GDPD5: variants seen among roughly 807,000 people sequenced by gnomAD.
GDPD5 encodes glycerophosphodiester phosphodiesterase domain containing 5, also known as glycerophosphodiester phosphodiesterase 2.
Under a neutral mutation model 75.1 loss-of-function variants are expected in GDPD5, and 48 were observed. That is an observed-to-expected ratio of 0.64 (90% CI 0.51 to 0.81). The LOEUF (loss-of-function observed/expected upper bound fraction) is 0.81, where lower values mean the gene tolerates loss of function less well. Ranked by LOEUF, GDPD5 falls within the 40% of genes least tolerant of loss-of-function variation. GDPD5 has a pLI of 0.00. For synonymous variants in GDPD5, 336 were observed against 339.0 expected, an observed-to-expected ratio of 0.99 and a Z score of 0.10; for missense variants, 706 against 822.6, an observed-to-expected ratio of 0.86 and a Z score of 1.73.
At chr11:75,502,157 C>T (rs181603851) in intron 1 of GDPD5, among the ~76,000 whole-genome samples, 3 of 152,382 alleles carry the variant, frequency 2.0e-5, no homozygotes, top group Admixed American at 6.5e-5. Flanking sequence ...CTGCCCACAA[C>T]TCACTTTCCA....
At chr11:75,435,965 A>G (rs1948614961) in intron 16 of GDPD5, among the ~76,000 whole-genome samples, 1 of 152,152 alleles carries the variant, frequency 6.6e-6, no homozygotes, top group Non-Finnish European at 1.5e-5. Context: ...CTTAGGAGTG[A>G]CTGCCCCAAC....
At chr11:75,478,200 A>G (rs574500579) in intron 2 of GDPD5, among the ~76,000 whole-genome samples, 23 of 152,280 alleles carry the variant, frequency 1.5e-4, no homozygotes, top group African/African-American at 5.3e-4. Flanking sequence ...CCCAGGCTGG[A>G]GTGCTGTGGC....
At chr11:75,485,032 C>A (rs1193430408) in intron 2 of GDPD5, among the ~76,000 whole-genome samples, 4 of 152,180 alleles carry the variant, frequency 2.6e-5, no homozygotes, top group Admixed American at 2.6e-4. Flanking sequence ...AGCTACCCAG[C>A]CACAAAAAGC....
chr11:75,467,275 G>A (rs142001409), intron 3 of GDPD5, among the ~76,000 whole-genome samples: 139 of 152,318 alleles, frequency 9.1e-4, no homozygotes, highest in African/African-American at 3.3e-3. Flanking sequence ...CCCTCGGAGG[G>A]AGGCTGTTAA....
At chr11:75,476,965 C>T (rs990535064) in intron 3 of GDPD5, among the ~76,000 whole-genome samples, 1 of 151,002 alleles carries the variant, frequency 6.6e-6, no homozygotes, top group Non-Finnish European at 1.5e-5. Flanking sequence ...CTTCTTTGTT[C>T]AGACAAGCAG....
intron 9 of GDPD5, among the ~76,000 whole-genome samples, chr11:75,447,132 C>T (rs538375343): frequency 2.0e-5 from 3 of 152,266 alleles, no homozygotes; most frequent in African/African-American, 7.2e-5. Flanking sequence ...ATCTGCCTGC[C>T]TTGGCCTCCC....
chr11:75,519,518 G>C (rs1365590320), intron 1 of GDPD5, among the ~76,000 whole-genome samples: 1 of 152,174 alleles, frequency 6.6e-6, no homozygotes, highest in African/African-American at 2.4e-5. Context: ...TGAGGTGCTG[G>C]AGATACAGAT....
intron 8 of GDPD5, 85 bp downstream of exon 8, chr11:75,449,432 C>A: frequency 7.4e-7 from 1 of 1,358,204 alleles, no homozygotes; most frequent in Non-Finnish European, 1.0e-6. Context: ...AGGCCACCCC[C>A]AGGGAAAGCC....
chr11:75,441,940 G>A, intron 12 of GDPD5, 137 bp from the exon 13 acceptor site: 1 of 878,464 alleles, frequency 1.1e-6, no homozygotes. Context: ...CATTAGCAGG[G>A]CAGGACTCAG....
chr11:75,513,027 G>A (rs1219285025), intron 1 of GDPD5, among the ~76,000 whole-genome samples: 1 of 152,192 alleles, frequency 6.6e-6, no homozygotes, highest in Admixed American at 6.5e-5. Context: ...AAGTGCTGTT[G>A]GGCACTGGGG....
At chr11:75,520,952 G>A (rs984722707) in intron 1 of GDPD5, among the ~76,000 whole-genome samples, 3 of 152,222 alleles carry the variant, frequency 2.0e-5, no homozygotes, top group South Asian at 2.1e-4. Context: ...TCCTTTGGGC[G>A]AGGCAGCTAC....
intron 1 of GDPD5, among the ~76,000 whole-genome samples, chr11:75,504,824 A>G (rs891429910): frequency 1.3e-5 from 2 of 152,186 alleles, no homozygotes; most frequent in Non-Finnish European, 2.9e-5. Flanking sequence ...AAATAATACA[A>G]TTTTTAAAAA....
intron 1 of GDPD5, among the ~76,000 whole-genome samples, chr11:75,517,890 T>C (rs926295835): frequency 2.0e-5 from 3 of 151,690 alleles, no homozygotes; most frequent in African/African-American, 4.9e-5. Flanking sequence ...GGTGTCCGGG[T>C]TGGAAAAACA....
At chr11:75,462,049 C>A (rs575213865) in intron 4 of GDPD5, among the ~76,000 whole-genome samples, 1 of 152,316 alleles carries the variant, frequency 6.6e-6, no homozygotes, top group East Asian at 1.9e-4. Flanking sequence ...TTGAGCTGTC[C>A]CCAAACTCAT....
chr11:75,481,776 C>T (rs1026912354), intron 2 of GDPD5, among the ~76,000 whole-genome samples: 2 of 152,036 alleles, frequency 1.3e-5, no homozygotes, highest in South Asian at 2.1e-4. Context: ...CATCTGCCCC[C>T]GCCTCCCCAG....
At chr11:75,498,123 G>C (rs1047881993) in intron 1 of GDPD5, among the ~76,000 whole-genome samples, 2 of 152,156 alleles carry the variant, frequency 1.3e-5, no homozygotes, top group Admixed American at 6.5e-5. Context: ...CCAGAGGCCT[G>C]AGTGGGGAGG....
chr11:75,464,101 T>A (rs1949470093), intron 3 of GDPD5, among the ~76,000 whole-genome samples: 1 of 152,188 alleles, frequency 6.6e-6, no homozygotes, highest in Non-Finnish European at 1.5e-5. Context: ...ACTAGTACTT[T>A]ATGACCACAT....
chr11:75,478,246 T>A (rs1949822779), intron 2 of GDPD5, among the ~76,000 whole-genome samples: 1 of 152,154 alleles, frequency 6.6e-6, no homozygotes, highest in Non-Finnish European at 1.5e-5. Context: ...GCCTCCTGGG[T>A]TCAAGCAATT....
chr11:75,455,143 C>T (rs1265780534), intron 6 of GDPD5: 8 of 352,658 alleles, frequency 2.3e-5, no homozygotes, highest in Non-Finnish European at 3.9e-5. Flanking sequence ...GATCTGCCAG[C>T]TCCAGCTGGC....
Sources: allele counts gnomAD v4.1 joint callset (sites outside exome capture counted in the v4.1 genomes callset), GRCh38; gene constraint gnomAD v4.1.1; transcripts MANE v1.5; gene names NCBI Gene and HGNC (gene_info 2026-07-23, HGNC 2026-07-21).